The following ENPEP variants were observed in gnomAD, a reference collection of about 807,000 sequenced individuals.
ENPEP encodes AP-A.
A neutral mutation model predicts 114.5 loss-of-function variants in ENPEP; 103 were observed. That is an observed-to-expected ratio of 0.90 (90% confidence interval 0.77 to 1.06). The LOEUF is 1.06. ENPEP is among the 50% of genes least tolerant of loss of function. The pLI is 0.00. For synonymous variants in ENPEP, 420 were observed against 422.0 expected (o/e 1.00, Z 0.06); for missense variants, 1,196 against 1,161.3 (o/e 1.03, Z -0.43).
chr4:110,478,998 GATAAC>G (rs1724213535), intron 1 of ENPEP, among the ~76,000 whole-genome samples: 1 of 152,066 alleles, frequency 6.6e-6, no homozygotes, highest in African/African-American at 2.4e-5. Flanking sequence ...TTTGTTTATT[GATAAC>G]ATAAATAATA....
Position 110,506,609 on chromosome 4 carries a change from A to G in ENPEP, c.919-28A>G, listed in dbSNP as rs760149878. 63 of 1,573,620 alleles carry G rather than the reference A, an allele frequency of 4.0e-5. No individual in the cohort carries two copies. In the South Asian group the frequency reaches 7.2e-4, roughly 18 times the overall value. The stretch of plus-strand genomic sequence containing the variant: ...TTTTGTTGAATGAAGAATAATTTTC[A>G]CTGAATTTTTTGTGTTTTGTTTAAT... On this transcript the variant is annotated intron_variant, in intron 3 of 19. Transcript: ENST00000265162.
intron 8 of ENPEP, among the ~76,000 whole-genome samples, chr4:110,519,761 C>T (rs1725912284): frequency 6.6e-6 from 1 of 151,770 alleles, no homozygotes; most frequent in African/African-American, 2.4e-5. Flanking sequence ...GGCTCATAAA[C>T]TAAATATGGT....
chr4:110,518,238 A>T (rs559624730), intron 8 of ENPEP, among the ~76,000 whole-genome samples: 158 of 152,378 alleles, frequency 1.0e-3, no homozygotes, highest in African/African-American at 3.5e-3. Flanking sequence ...AGAAGGGGAC[A>T]TTCATAACAA....
intron 10 of ENPEP, among the ~76,000 whole-genome samples, chr4:110,529,603 G>C (rs1448492236): frequency 6.6e-6 from 1 of 152,124 alleles, no homozygotes; most frequent in Non-Finnish European, 1.5e-5. Context: ...CTGATGGATG[G>C]GGCAGGAAGC....
In ENPEP at chr4:110,543,031, A is replaced by G; in HGVS notation, c.1961A>G (p.Asp654Gly). Residue 654 changes from aspartate (D) to glycine (G), a missense_variant, in exon 13 of 20, where the codon GAT (aspartate) becomes GGT (glycine). Transcript: ENST00000265162. Reference sequence around the variant, plus strand: ...TCTTCCCAGACATTTTCTTCAGCAGATCGTGCAAGTCTTATTGATGATGCT... The same window carrying G: ...TCTTCCCAGACATTTTCTTCAGCAGGTCGTGCAAGTCTTATTGATGATGCT... ...SLNHKTFSSADRASLIDDAFA... is the reference protein window; with the variant it reads ...SLNHKTFSSAGRASLIDDAFA... 2 of 1,613,178 alleles carry G rather than the reference A, an allele frequency of 1.2e-6. No individual in the cohort carries two copies. Among genetic ancestry groups the G allele is most frequent in the Non-Finnish European group, 1.7e-6 (2 of 1,179,348 alleles).
intron 10 of ENPEP, among the ~76,000 whole-genome samples, chr4:110,530,376 T>G (rs1261389222): frequency 6.6e-6 from 1 of 152,212 alleles, no homozygotes; most frequent in Admixed American, 6.5e-5. Context: ...CCTAATTCTC[T>G]GTTAGGGAAT....
intron 13 of ENPEP, among the ~76,000 whole-genome samples, chr4:110,543,694 T>G (rs182461732): frequency 6.6e-6 from 1 of 151,940 alleles, no homozygotes; most frequent in Non-Finnish European, 1.5e-5. Flanking sequence ...TTAACAAGCA[T>G]TTATTGAGTT....
chr4:110,484,000 C>A (rs892697820), intron 1 of ENPEP, among the ~76,000 whole-genome samples: 3 of 152,046 alleles, frequency 2.0e-5, no homozygotes, highest in Non-Finnish European at 4.4e-5. Context: ...AACAGGTTAC[C>A]ATTTTAAAAA....
chr4:110,508,787 G>C (rs1560557961), intron 4 of ENPEP, among the ~76,000 whole-genome samples: 1 of 152,100 alleles, frequency 6.6e-6, no homozygotes, highest in East Asian at 1.9e-4. Flanking sequence ...CTCCAGTTTG[G>C]GCAACAGAGC....
chr4:110,513,275 A>G (rs1201961844), intron 6 of ENPEP, 140 bp from the exon 7 acceptor site: 2 of 894,506 alleles, frequency 2.2e-6, no homozygotes, highest in Admixed American at 3.2e-5. Context: ...GCAAAGTATG[A>G]TTAATTTGAA....
chr4:110,481,597 A>C (rs1482073562), intron 1 of ENPEP, among the ~76,000 whole-genome samples: 1 of 152,166 alleles, frequency 6.6e-6, no homozygotes, highest in African/African-American at 2.4e-5. Flanking sequence ...GACACATTGC[A>C]TTACCACAGC....
At chr4:110,525,407 T>TA (rs750029467) in intron 10 of ENPEP, among the ~76,000 whole-genome samples, 4 of 152,306 alleles carry the variant, frequency 2.6e-5, no homozygotes, top group Non-Finnish European at 5.9e-5. Context: ...GTTGTTCCCA[T>TA]TTCACCCATG....
At chr4:110,491,901 A>G (rs369757581) in intron 3 of ENPEP, among the ~76,000 whole-genome samples, 11 of 151,880 alleles carry the variant, frequency 7.2e-5, no homozygotes, top group African/African-American at 2.7e-4. Context: ...TTGTATTTTT[A>G]GTAGAGACGG....
At chr4:110,548,861 A>T (rs1302824794) in intron 14 of ENPEP, among the ~76,000 whole-genome samples, 3 of 152,124 alleles carry the variant, frequency 2.0e-5, no homozygotes, top group African/African-American at 7.2e-5. Flanking sequence ...TTACAAAATG[A>T]AAGATCTTGA....
At chr4:110,553,141 A>C (rs879362457) in intron 17 of ENPEP, among the ~76,000 whole-genome samples, 174 bp from the exon 18 acceptor site, 4 of 152,122 alleles carry the variant, frequency 2.6e-5, no homozygotes, top group Admixed American at 2.6e-4. Context: ...AAAACAGTTA[A>C]ACATATCAGA....
At chr4:110,501,178 T>C (rs1427564064) in intron 3 of ENPEP, among the ~76,000 whole-genome samples, 1 of 152,198 alleles carries the variant, frequency 6.6e-6, no homozygotes, top group African/African-American at 2.4e-5. Flanking sequence ...ATTAATGGGC[T>C]GTAGCTATAT....
chr4:110,525,654 G>A lies in ENPEP; in HGVS notation c.1727+5288G>A, dbSNP rs1726168408. The stretch of plus-strand genomic sequence containing the variant: ...TAGAATAACACAAAAAGATGTTTTA[G>A]AAAGTCTTTAACTCTAAACTGGTTC... On this transcript the variant is annotated intron_variant, in intron 10 of 19. Coordinates refer to ENST00000265162, the MANE Select transcript of ENPEP (RefSeq NM_001977.4). Among the ~76,000 whole-genome samples the A allele has an allele frequency of 2.3e-5, 3 of 129,642 alleles. No individual in the cohort carries two copies. The South Asian group carries it at 6.8e-4, about 30-fold the overall frequency. The allele number at this position is 129,642 out of a possible 152,430, so 85.1% of individuals were successfully genotyped here. A position where few individuals can be genotyped will look rare whatever the true frequency, so the allele number is the denominator to read the frequency against.
intron 11 of ENPEP, among the ~76,000 whole-genome samples, chr4:110,535,785 G>A (rs990874418): frequency 3.9e-5 from 6 of 152,056 alleles, no homozygotes; most frequent in African/African-American, 9.7e-5. Context: ...TCGGGAGTTC[G>A]AGACCAGCCT....
At chr4:110,527,437 C>T (rs1393141212) in intron 10 of ENPEP, among the ~76,000 whole-genome samples, 2 of 152,104 alleles carry the variant, frequency 1.3e-5, no homozygotes, top group Non-Finnish European at 2.9e-5. Context: ...AATATGAGGT[C>T]CCTTCAGGGA....
Sources: gnomAD v4.1 joint callset for allele counts (sites outside exome capture counted in the v4.1 genomes callset) on GRCh38, gnomAD v4.1.1 for gene constraint, MANE v1.5 for transcripts, NCBI Gene and HGNC (gene_info 2026-07-23, HGNC 2026-07-21) for gene names.